AQP4: variants seen among roughly 807,000 people sequenced by gnomAD.
AQP4 encodes aquaporin 4, also known as aquaporin-4.
Under a neutral mutation model 27.8 loss-of-function variants are expected in AQP4, and 18 were observed. That is an observed-to-expected ratio of 0.65 (90% CI 0.45 to 0.96). The LOEUF is 0.96. Among genes scored for constraint, AQP4 ranks in the 40% least tolerant of loss-of-function variants. The pLI is 0.00. For synonymous variants in AQP4, 141 were observed against 142.9 expected, an observed-to-expected ratio of 0.99 and a Z score of 0.10; for missense variants, 412 against 408.2, an observed-to-expected ratio of 1.01 and a Z score of -0.08.
rs1051172270 is a variant in AQP4 at position 26,853,258 on chromosome 18, A to T, written c.*2953T>A. Reference sequence around the variant, plus strand: ...AGGAAAAGCATCAATGGCAGAAATAAAGTGTAGGAATCTTAAATTTAGGCA... The same window carrying T: ...AGGAAAAGCATCAATGGCAGAAATATAGTGTAGGAATCTTAAATTTAGGCA... On this transcript the variant is annotated 3_prime_UTR_variant, in exon 5 of 5. Transcript: ENST00000383168. 1 of 184,582 alleles carries T rather than the reference A, an allele frequency of 5.4e-6. No individual in the cohort carries two copies. The highest frequency in any genetic ancestry group is 2.3e-5 in the African/African-American group (1 of 42,988). The allele number at this position is 184,582 out of a possible 1,614,324, so 11.4% of individuals were successfully genotyped here. A position where few individuals can be genotyped will look rare whatever the true frequency, so the allele number is the denominator to read the frequency against.
chr18:26,857,754 G>A (rs2054870550), intron 4 of AQP4, among the ~76,000 whole-genome samples: 1 of 152,216 alleles, frequency 6.6e-6, no homozygotes, highest in Non-Finnish European at 1.5e-5. Context: ...ACGCACTTGG[G>A]CAACAGAAAC....
intron 1 of AQP4, among the ~76,000 whole-genome samples, chr18:26,864,192 A>G (rs1301086395): frequency 6.6e-6 from 1 of 152,170 alleles, no homozygotes; most frequent in Non-Finnish European, 1.5e-5. Flanking sequence ...CCCTTTGACA[A>G]ATTGCGGGGC....
rs1412167753 is a variant in AQP4, at chr18:26,852,585, A to G, written c.*3626T>C. 2.7e-6 allele frequency: 1 copy of G among 373,902 alleles called. No homozygotes were observed. Among genetic ancestry groups the G allele is most frequent in the East Asian group, 3.8e-5 (1 of 26,266 alleles). The allele number at this position is 373,902 out of a possible 1,614,324, so 23.2% of individuals were successfully genotyped here. On this transcript the variant is annotated 3_prime_UTR_variant, in exon 5 of 5. Coordinates refer to ENST00000383168, the MANE Select transcript of AQP4 (RefSeq NM_001650.7). ...GAATTAAATGTCTTTCATTTATTTC[A>G]GAGAATTATGAGTTTCAAAAGCTAC... is the stretch of plus-strand genomic sequence containing the variant.
rs1250949874 is a variant in AQP4 at position 26,856,104 on chromosome 18, C to A, written c.*107G>T. On this transcript the variant is annotated 3_prime_UTR_variant, in exon 5 of 5. Transcript: ENST00000383168. ...GACTGAGTAATATGACATGAAACAACAAACCTGCACATTTCTAATTTATAA... is the reference window on the plus strand; with the variant it reads ...GACTGAGTAATATGACATGAAACAAAAAACCTGCACATTTCTAATTTATAA... 2.3e-5 allele frequency: 33 copies of A among 1,407,328 alleles called. No individual in the cohort carries two copies. The highest frequency in any genetic ancestry group is 3.1e-5 in the Non-Finnish European group (31 of 998,690). 87.2% of individuals were successfully genotyped at this position (1,407,328 alleles called of 1,614,324 possible).
Position 26,856,103 on chromosome 18 carries a change from A to G in AQP4, c.*108T>C. The G allele has an allele frequency of 7.1e-7, 1 of 1,399,800 alleles. No individual in the cohort carries two copies. The highest frequency in any genetic ancestry group is 1.0e-6 in the Non-Finnish European group (1 of 991,660). 86.7% of individuals were successfully genotyped at this position (1,399,800 alleles called of 1,614,324 possible). On this transcript the variant is annotated 3_prime_UTR_variant, in exon 5 of 5. Transcript: ENST00000383168. ...AGACTGAGTAATATGACATGAAACA[A>G]CAAACCTGCACATTTCTAATTTATA...
intron 2 of AQP4, among the ~76,000 whole-genome samples, chr18:26,861,670 A>G (rs1249438530): frequency 6.6e-6 from 1 of 152,152 alleles, no homozygotes; most frequent in Admixed American, 6.5e-5. Flanking sequence ...ATTAATATAT[A>G]TTTCAATTAA....
intron 1 of AQP4, among the ~76,000 whole-genome samples, chr18:26,864,004 G>A (rs1339731785): frequency 6.6e-6 from 1 of 151,152 alleles, no homozygotes; most frequent in East Asian, 1.9e-4. Flanking sequence ...TGGGGGGGGG[G>A]GGCAATTACC....
chr18:26,865,595 T>C (rs1171913708), intron 1 of AQP4, 63 bp downstream of exon 1: 5 of 1,605,248 alleles, frequency 3.1e-6, no homozygotes, highest in African/African-American at 1.3e-5. Flanking sequence ...ACATCTATAA[T>C]AAAAGAGACA....
intron 1 of AQP4, 86 bp from the exon 2 acceptor site, chr18:26,862,682 G>A: frequency 6.3e-7 from 1 of 1,585,306 alleles, no homozygotes; most frequent in Non-Finnish European, 8.6e-7. Context: ...GCCATCTTCG[G>A]GTACTGTGGG....
At chr18:26,862,835 T>C (rs2054979731) in intron 1 of AQP4, 1 of 594,164 alleles carries the variant, frequency 1.7e-6, no homozygotes, top group South Asian at 2.1e-5. Flanking sequence ...TTATCCAAAC[T>C]GTCCCTAGAA....
At chr18:26,860,176 T>C (rs2144961202) in intron 4 of AQP4, among the ~76,000 whole-genome samples, 1 of 152,290 alleles carries the variant, frequency 6.6e-6, no homozygotes, top group South Asian at 2.1e-4. Flanking sequence ...TTTCTGTGAG[T>C]CATTTATTTT....
intron 1 of AQP4, 31 bp from the exon 2 acceptor site, chr18:26,862,627 C>G: frequency 6.2e-7 from 1 of 1,613,654 alleles, no homozygotes; most frequent in South Asian, 1.1e-5. Flanking sequence ...GCATCAGAAG[C>G]CACTACACCC....
intron 1 of AQP4, chr18:26,863,113 T>G: frequency 5.8e-6 from 1 of 172,628 alleles, no homozygotes; most frequent in Non-Finnish European, 1.2e-5. Context: ...GAAACCAGGG[T>G]GCTGAAGGCT....
At position 26,856,048 on chromosome 18, in the gene AQP4, C is replaced by T; in HGVS notation, c.*163G>A. ...TTCACAATAGGTTTCTTCCGTTCCT[C>T]CTTTGTAAATTATGAAATATTTATT... On this transcript the variant is annotated 3_prime_UTR_variant, in exon 5 of 5. Coordinates refer to ENST00000383168, the MANE Select transcript of AQP4 (RefSeq NM_001650.7). 1.1e-6 allele frequency: 1 copy of T among 885,120 alleles called. No homozygotes were observed. The highest frequency in any genetic ancestry group is 1.7e-6 in the Non-Finnish European group (1 of 575,544). The allele number at this position is 885,120 out of a possible 1,614,324, so 54.8% of individuals were successfully genotyped here.
intron 1 of AQP4, 144 bp downstream of exon 1, chr18:26,865,514 A>G (rs2055043496): frequency 6.1e-6 from 6 of 978,332 alleles, no homozygotes; most frequent in South Asian, 2.6e-5. Flanking sequence ...GAAAATGCCC[A>G]GTACTCAGAT....
At chr18:26,863,520 G>A (rs930497284) in intron 1 of AQP4, among the ~76,000 whole-genome samples, 2 of 152,146 alleles carry the variant, frequency 1.3e-5, no homozygotes, top group Admixed American at 1.3e-4. Flanking sequence ...GATGGGAGTG[G>A]GGGATGCTTT....
At chr18:26,861,058 C>A (rs1469909735) in intron 3 of AQP4, 73 bp downstream of exon 3, 57 of 1,575,982 alleles carry the variant, frequency 3.6e-5, no homozygotes, top group Non-Finnish European at 4.4e-5. Flanking sequence ...CTGTAAAACA[C>A]AACATCTTCA....
chr18:26,862,845 A>T, intron 1 of AQP4: 1 of 575,548 alleles, frequency 1.7e-6, no homozygotes, highest in Non-Finnish European at 3.1e-6. Flanking sequence ...TGTCCCTAGA[A>T]AGGAAAAATG....
At chr18:26,864,746 G>C (rs377444398) in intron 1 of AQP4, among the ~76,000 whole-genome samples, 39 of 152,214 alleles carry the variant, frequency 2.6e-4, no homozygotes, top group African/African-American at 8.7e-4. Context: ...GGAGAAGGAG[G>C]AGGACAAAAC....
Sources: allele counts gnomAD v4.1 joint callset (sites outside exome capture counted in the v4.1 genomes callset), GRCh38; gene constraint gnomAD v4.1.1; transcripts MANE v1.5; gene names NCBI Gene and HGNC (gene_info 2026-07-23, HGNC 2026-07-21).